The following FYN variants were observed in gnomAD, a reference collection of about 807,000 sequenced individuals.
FYN encodes the protein tyrosine-protein kinase Fyn.
Under a neutral mutation model 70.2 loss-of-function variants are expected in FYN, and 10 were observed. The ratio of observed to expected loss-of-function variants is 0.14; its 90% CI spans 0.09 to 0.24. The LOEUF is 0.24. FYN is among the 10% of genes least tolerant of loss of function. The probability of loss-of-function intolerance (pLI) is 1.00; values close to 1 mark genes in which losing one functional copy is unlikely to be tolerated. For synonymous variants in FYN, 236 were observed against 248.6 expected (o/e 0.95, Z 0.48); for missense variants, 319 against 673.1 (o/e 0.47, Z 5.82).
intron 12 of FYN, among the ~76,000 whole-genome samples, chr6:111,678,106 ATATGTGTGTGTGTGTGTGTGTGTG>A (rs1167486988): frequency 1.7e-5 from 2 of 118,552 alleles, no homozygotes; most frequent in Non-Finnish European, 3.4e-5. Flanking sequence ...GAAGGCCATA[ATATGTGTGTGTGTGTGTGTGTGTG>A]TGTGTGTGTG....
rs768994990 is a variant in FYN, at chr6:111,719,921, A to C, written c.131T>G (p.Val44Gly). ...PTPQHYPSFG[V>G]TSIPNYNNFH... ...GTTGTTGTAGTTGGGGATGGAGGTC[A>C]CACCGAAGCTGGGGTAGTGCTGAGG... The change falls in exon 4 of 14, where the codon GTG (valine) becomes GGG (glycine). Residue 44 changes from valine to glycine, a missense_variant. Transcript: ENST00000354650. 1 of 1,614,168 alleles carries C rather than the reference A, an allele frequency of 6.2e-7. No homozygotes were observed. The highest frequency in any genetic ancestry group is 8.5e-7 in the Non-Finnish European group (1 of 1,180,020).
At chr6:111,672,788 T>C (rs1399796136) in intron 13 of FYN, among the ~76,000 whole-genome samples, 1 of 152,032 alleles carries the variant, frequency 6.6e-6, no homozygotes, top group Admixed American at 6.6e-5. Flanking sequence ...CCTGGCACAG[T>C]TCACAGTGAC....
At chr6:111,699,701 C>T (rs1799743104) in intron 9 of FYN, 1 of 1,599,548 alleles carries the variant, frequency 6.3e-7, no homozygotes, top group African/African-American at 1.3e-5. Flanking sequence ...AAAGAAAACA[C>T]AGTCCTTATA....
chr6:111,823,271 C>T (rs1211405709), intron 2 of FYN, among the ~76,000 whole-genome samples: 2 of 152,230 alleles, frequency 1.3e-5, no homozygotes, highest in Non-Finnish European at 2.9e-5. Context: ...GGTCACTACA[C>T]AGCTCCAGCC....
intron 3 of FYN, among the ~76,000 whole-genome samples, chr6:111,763,168 C>T (rs558275701): frequency 2.6e-5 from 4 of 152,312 alleles, no homozygotes; most frequent in African/African-American, 7.2e-5. Context: ...ACACTGCCTT[C>T]GAGATGTCCA....
At chr6:111,757,912 C>T (rs1802812579) in intron 3 of FYN, among the ~76,000 whole-genome samples, 1 of 152,128 alleles carries the variant, frequency 6.6e-6, no homozygotes, top group African/African-American at 2.4e-5. Context: ...AACTATGGCA[C>T]ATACGATTTC....
rs147211825 is a variant in FYN, at chr6:111,715,273, G to A, written c.248-830C>T. ...TTTTTTTTTTCAAATAGAGACGGGGGTCTCACTATGTTGCCCAGGCTGGTC... is the reference window on the plus strand; with the variant it reads ...TTTTTTTTTTCAAATAGAGACGGGGATCTCACTATGTTGCCCAGGCTGGTC... On this transcript the variant is annotated intron_variant, in intron 4 of 13. Coordinates refer to ENST00000354650, the MANE Select transcript of FYN (RefSeq NM_002037.5). 5.0e-4 allele frequency among the ~76,000 whole-genome samples: 76 copies of A among 151,562 alleles called. No homozygotes were observed. The East Asian group carries it at 0.013, about 26-fold the overall frequency.
At chr6:111,844,134 T>C (rs1773448873) in intron 2 of FYN, among the ~76,000 whole-genome samples, 1 of 152,186 alleles carries the variant, frequency 6.6e-6, no homozygotes, top group Admixed American at 6.5e-5. Context: ...CACAGTGAAG[T>C]GTAACATAGA....
At chr6:111,716,694 T>C (rs1182701478) in intron 4 of FYN, among the ~76,000 whole-genome samples, 1 of 151,358 alleles carries the variant, frequency 6.6e-6, no homozygotes, top group African/African-American at 2.4e-5. Context: ...TAGATAGCCA[T>C]TAAATTATAA....
At chr6:111,732,030 A>C (rs1801482415) in intron 3 of FYN, among the ~76,000 whole-genome samples, 1 of 152,226 alleles carries the variant, frequency 6.6e-6, no homozygotes, top group African/African-American at 2.4e-5. Context: ...AGCAGCACAC[A>C]AAAAACAGTA....
intron 1 of FYN, among the ~76,000 whole-genome samples, chr6:111,853,936 G>A (rs1370130243): frequency 1.3e-5 from 2 of 152,196 alleles, no homozygotes; most frequent in Non-Finnish European, 2.9e-5. Context: ...ATCAAGACTA[G>A]AGAAGGGCAG....
intron 13 of FYN, among the ~76,000 whole-genome samples, chr6:111,667,256 A>C (rs1017259103): frequency 6.6e-6 from 1 of 152,012 alleles, no homozygotes; most frequent in Non-Finnish European, 1.5e-5. Flanking sequence ...AAATTTTTTA[A>C]GGGACAAGGT....
chr6:111,785,690 T>G (rs931365018), intron 2 of FYN, among the ~76,000 whole-genome samples: 2 of 152,228 alleles, frequency 1.3e-5, no homozygotes, highest in Admixed American at 6.5e-5. Flanking sequence ...ATTACTATAC[T>G]TTAAGTTCTA....
chr6:111,845,910 C>A (rs909570195), intron 2 of FYN, among the ~76,000 whole-genome samples: 6 of 152,188 alleles, frequency 3.9e-5, no homozygotes, highest in Admixed American at 2.6e-4. Context: ...GCATTCACAG[C>A]TCCTCACACC....
intron 2 of FYN, among the ~76,000 whole-genome samples, chr6:111,829,794 C>T (rs922850507): frequency 6.6e-6 from 1 of 152,148 alleles, no homozygotes; most frequent in Non-Finnish European, 1.5e-5. Context: ...AATAGACATG[C>T]CACGGATACA....
At chr6:111,720,458 A>G (rs1224272340) in intron 3 of FYN, among the ~76,000 whole-genome samples, 1 of 152,220 alleles carries the variant, frequency 6.6e-6, no homozygotes, top group Non-Finnish European at 1.5e-5. Flanking sequence ...ATGCAACATT[A>G]GAATAAAAAC....
At chr6:111,689,586 T>C (rs149351415) in intron 12 of FYN, among the ~76,000 whole-genome samples, 122 of 152,268 alleles carry the variant, frequency 8.0e-4, no homozygotes, top group East Asian at 3.1e-3. Context: ...ATTTGTACAG[T>C]GGAATACTAC....
At chr6:111,862,961 G>C (rs545142026) in intron 1 of FYN, among the ~76,000 whole-genome samples, 48 of 152,336 alleles carry the variant, frequency 3.2e-4, no homozygotes, top group Non-Finnish European at 6.3e-4. Flanking sequence ...ATGGGCTTCT[G>C]GCTAACCAAG....
intron 2 of FYN, among the ~76,000 whole-genome samples, chr6:111,813,577 G>C (rs918059723): frequency 6.6e-6 from 1 of 152,146 alleles, no homozygotes; most frequent in Non-Finnish European, 1.5e-5. Context: ...GAGTGCTGTG[G>C]TTAAGAGCTA....
Sources: allele counts gnomAD v4.1 joint callset (sites outside exome capture counted in the v4.1 genomes callset), GRCh38; gene constraint gnomAD v4.1.1; transcripts MANE v1.5; gene names NCBI Gene and HGNC (gene_info 2026-07-23, HGNC 2026-07-21).